METAP1D: variants seen among roughly 807,000 people sequenced by gnomAD.
The protein encoded by METAP1D is methionine aminopeptidase 1D, mitochondrial.
In METAP1D, 31 loss-of-function variants were observed where a neutral mutation model predicts 40.5. The observed-to-expected ratio is 0.77, with a 90% CI of 0.58 to 1.03. The LOEUF is 1.03. Among genes scored for constraint, METAP1D ranks in the 50% least tolerant of loss-of-function variants. The pLI is 0.00. For missense variants in METAP1D, 411 were observed against 420.7 expected, an observed-to-expected ratio of 0.98 and a Z score of 0.20; for synonymous variants, 151 against 146.4, an observed-to-expected ratio of 1.03 and a Z score of -0.22.
intron 1 of METAP1D, among the ~76,000 whole-genome samples, chr2:172,032,794 G>A (rs1574105901): frequency 6.6e-6 from 1 of 152,292 alleles, no homozygotes; most frequent in East Asian, 1.9e-4. Context: ...CGGGCGTGGT[G>A]GCTCACGCCT....
intron 1 of METAP1D, among the ~76,000 whole-genome samples, chr2:172,035,093 T>C (rs1330501968): frequency 6.6e-6 from 1 of 151,654 alleles, no homozygotes; most frequent in Admixed American, 6.6e-5. Flanking sequence ...GTAAAAGAAA[T>C]ATACAATTTA....
intron 1 of METAP1D, among the ~76,000 whole-genome samples, chr2:172,025,048 C>G (rs961883482): frequency 2.6e-5 from 4 of 152,146 alleles, no homozygotes; most frequent in Non-Finnish European, 5.9e-5. Flanking sequence ...CACAAAATGG[C>G]TAGCCCATGG....
At chr2:172,034,978 A>AT (rs1409024671) in intron 1 of METAP1D, among the ~76,000 whole-genome samples, 1 of 143,480 alleles carries the variant, frequency 7.0e-6, no homozygotes, top group Non-Finnish European at 1.5e-5. Flanking sequence ...GATTGTTAGA[A>AT]TTTTTTTCTT....
chr2:172,022,222 G>A (rs1689025478), intron 1 of METAP1D, among the ~76,000 whole-genome samples: 1 of 152,110 alleles, frequency 6.6e-6, no homozygotes, highest in Admixed American at 6.6e-5. Flanking sequence ...AATCTAAGAC[G>A]TTGAGTCGCC....
At chr2:172,018,627 G>A (rs758741590) in intron 1 of METAP1D, among the ~76,000 whole-genome samples, 3 of 152,176 alleles carry the variant, frequency 2.0e-5, no homozygotes, top group African/African-American at 4.8e-5. Context: ...AGAGGTCTCT[G>A]ACTGGAGAAG....
At chr2:172,043,092 CA>C in intron 1 of METAP1D, among the ~76,000 whole-genome samples, 1 of 21,696 alleles carries the variant, frequency 4.6e-5, no homozygotes, top group East Asian at 6.5e-3. Flanking sequence ...CATATATTTA[CA>C]TACATATATA....
rs571735409 is a variant in METAP1D, at chr2:172,033,058, CTAAA to C, written c.41-28415_41-28412del. On this transcript the variant is annotated intron_variant, in intron 1 of 9. Transcript: ENST00000315796. The stretch of plus-strand genomic sequence containing the variant: ...TGGGCGACAGAGCAAGACTCCATCT[CTAAA>C]TAAATAAATAAATAAATAAATAAAA... 4.5e-3 allele frequency among the ~76,000 whole-genome samples: 674 copies of C among 151,288 alleles called. 2 individuals are homozygous for C. Among genetic ancestry groups the C allele is most frequent in the Non-Finnish European group, 7.4e-3 (499 of 67,844 alleles).
At chr2:172,038,240 G>A (rs1689439214) in intron 1 of METAP1D, among the ~76,000 whole-genome samples, 1 of 152,122 alleles carries the variant, frequency 6.6e-6, no homozygotes, top group Non-Finnish European at 1.5e-5. Flanking sequence ...TTGTTTCCTA[G>A]TTTTTTGTTT....
At chr2:172,029,755 C>G (rs1000881546) in intron 1 of METAP1D, among the ~76,000 whole-genome samples, 2 of 152,128 alleles carry the variant, frequency 1.3e-5, no homozygotes, top group African/African-American at 4.8e-5. Context: ...TTTCTACTTA[C>G]TTACTTATTT....
At chr2:172,036,187 G>C (rs1314740609) in intron 1 of METAP1D, among the ~76,000 whole-genome samples, 1 of 150,668 alleles carries the variant, frequency 6.6e-6, no homozygotes, top group Non-Finnish European at 1.5e-5. Flanking sequence ...CGTGGTGGCG[G>C]GTGCCTGTAG....
rs1688783797 is a variant in METAP1D, at chr2:172,013,730, G to A, written c.40+13721G>A. Among the ~76,000 whole-genome samples the A allele has an allele frequency of 2.6e-5, 4 of 152,064 alleles. No individual in the cohort carries two copies. In the South Asian group the frequency reaches 6.2e-4, roughly 24 times the overall value. On this transcript the variant is annotated intron_variant, in intron 1 of 9. Coordinates refer to ENST00000315796, the MANE Select transcript of METAP1D (RefSeq NM_199227.3). ...ATGACAGCTTTGCTTGGCAGAACGT[G>A]ACCATGCACAGCATTGGGAGACACA...
At chr2:172,025,614 C>T (rs1689104692) in intron 1 of METAP1D, among the ~76,000 whole-genome samples, 1 of 152,166 alleles carries the variant, frequency 6.6e-6, no homozygotes, top group Admixed American at 6.5e-5. Context: ...GCTGGGATTA[C>T]AGGTATGCAC....
At chr2:172,061,741 T>C in intron 2 of METAP1D, 86 bp downstream of exon 2, 1 of 1,233,856 alleles carries the variant, frequency 8.1e-7, no homozygotes, top group Non-Finnish European at 1.1e-6. Flanking sequence ...GCACCTTTGA[T>C]TTCTGAGCCA....
At chr2:172,015,978 C>T (rs1055807684) in intron 1 of METAP1D, among the ~76,000 whole-genome samples, 4 of 148,136 alleles carry the variant, frequency 2.7e-5, no homozygotes, top group South Asian at 2.1e-4. Flanking sequence ...AATAGAGAGC[C>T]GGGCATGGTG....
At chr2:172,063,634 G>A in intron 2 of METAP1D, 77 bp from the exon 3 acceptor site, 1 of 1,108,002 alleles carries the variant, frequency 9.0e-7, no homozygotes, top group South Asian at 1.3e-5. Flanking sequence ...CCATGAAGCA[G>A]GAGGCTGTGT....
chr2:172,060,670 T>C (rs1690119655), intron 1 of METAP1D, among the ~76,000 whole-genome samples: 1 of 152,224 alleles, frequency 6.6e-6, no homozygotes, highest in Admixed American at 6.5e-5. Context: ...CTATTCTTTT[T>C]AATAGCTCCA....
At chr2:172,067,457 A>T (rs1690311436) in intron 5 of METAP1D, among the ~76,000 whole-genome samples, 2 of 152,160 alleles carry the variant, frequency 1.3e-5, no homozygotes, top group African/African-American at 4.8e-5. Context: ...ATTTTATCCT[A>T]CTTAAAATGC....
At chr2:172,077,104 G>A (rs1282161956) in intron 6 of METAP1D, among the ~76,000 whole-genome samples, 1 of 152,194 alleles carries the variant, frequency 6.6e-6, no homozygotes, top group Non-Finnish European at 1.5e-5. Flanking sequence ...GAAGCACTAA[G>A]AATTGGGAAT....
chr2:172,034,246 G>GATAGAT (rs1303285352), intron 1 of METAP1D, among the ~76,000 whole-genome samples: 5 of 152,166 alleles, frequency 3.3e-5, no homozygotes, highest in African/African-American at 1.2e-4. Context: ...GAAGCTGAAT[G>GATAGAT]ATAGATACAT....
Sources: gnomAD v4.1 joint callset for allele counts (sites outside exome capture counted in the v4.1 genomes callset) on GRCh38, gnomAD v4.1.1 for gene constraint, MANE v1.5 for transcripts, NCBI Gene and HGNC (gene_info 2026-07-23, HGNC 2026-07-21) for gene names.